Variants in NHSL2 observed in about 807,000 individuals in gnomAD.
NHSL2 encodes NHS-like protein 2.
Under a neutral mutation model 53.4 loss-of-function variants are expected in NHSL2, and 27 were observed. The observed-to-expected ratio is 0.51, with a 90% CI of 0.37 to 0.70. NHSL2 has a LOEUF of 0.70. Ranked by LOEUF, NHSL2 falls within the 30% of genes least tolerant of loss-of-function variation. NHSL2 has a pLI of 0.00. For synonymous variants in NHSL2, 408 were observed against 404.1 expected, an observed-to-expected ratio of 1.01 and a Z score of -0.12; for missense variants, 892 against 980.1, an observed-to-expected ratio of 0.91 and a Z score of 1.20.
intron 6 of NHSL2, chrX:72,141,435 G>A (rs2042417616): frequency 8.3e-6 from 1 of 120,590 alleles, no homozygotes; most frequent in African/African-American, 3.3e-5. Flanking sequence ...ATTTTTAAGT[G>A]TGCAGTTCAT....
chrX:71,945,486 C>A (rs753437762), intron 1 of NHSL2, among the ~76,000 whole-genome samples: 3 of 111,821 alleles, frequency 2.7e-5, no homozygotes, highest in East Asian at 2.8e-4. Flanking sequence ...TGCGTCCCCC[C>A]ACCCCGCAAC....
intron 1 of NHSL2, among the ~76,000 whole-genome samples, chrX:72,117,372 G>A (rs1417650974): frequency 1.9e-5 from 2 of 104,590 alleles, no homozygotes; most frequent in Non-Finnish European, 3.9e-5. Context: ...TGATGCTTGA[G>A]TATGATATTG....
intron 1 of NHSL2, among the ~76,000 whole-genome samples, chrX:72,107,491 T>C (rs1000405395): frequency 3.6e-5 from 4 of 111,435 alleles, no homozygotes; most frequent in African/African-American, 9.8e-5. Flanking sequence ...GCCCTGCCAG[T>C]GTTTGTGCTC....
At chrX:71,966,172 C>A (rs1468096657) in intron 1 of NHSL2, 1 of 112,533 alleles carries the variant, frequency 8.9e-6, no homozygotes, top group African/African-American at 3.2e-5. Flanking sequence ...TGTCCTGCAA[C>A]CTTGTATAAT....
rs962526226 is a variant in NHSL2 at position 71,935,617 on chromosome X, G to A, written c.280+24250G>A. Reference sequence around the variant, plus strand: ...CACTCTGTAGCTTTAGTGTTTCTAGGGCCTCAGGGTGGGAGTTCACATTAG... The same window carrying A: ...CACTCTGTAGCTTTAGTGTTTCTAGAGCCTCAGGGTGGGAGTTCACATTAG... On this transcript the variant is annotated intron_variant, in intron 1 of 7. Coordinates refer to ENST00000633930, the MANE Select transcript of NHSL2 (RefSeq NM_001013627.3). Among the ~76,000 whole-genome samples, 5 of 112,475 alleles carry A rather than the reference G, an allele frequency of 4.4e-5. No homozygotes were observed. The Admixed American group carries it at 4.7e-4, about 11-fold the overall frequency.
chrX:72,132,038 C>A, intron 1 of NHSL2, 41 bp from the exon 2 acceptor site: 1 of 1,159,855 alleles, frequency 8.6e-7, no homozygotes, highest in Non-Finnish European at 1.2e-6. Flanking sequence ...CCGCTCCCCT[C>A]CAGCTCGCCT....
chrX:72,086,708 A>G (rs1174127060), intron 1 of NHSL2, among the ~76,000 whole-genome samples: 1 of 100,835 alleles, frequency 9.9e-6, no homozygotes, highest in African/African-American at 3.7e-5. Flanking sequence ...AAAAAAAAAA[A>G]GCAAGGTAAA....
At chrX:72,129,738 C>G (rs144289234) in intron 1 of NHSL2, 1 of 882,682 alleles carries the variant, frequency 1.1e-6, no homozygotes, top group Non-Finnish European at 1.6e-6. Flanking sequence ...TCCCTGAAGT[C>G]CTGGTCAGCA....
Position 72,096,411 on chromosome X carries a change from G to A in NHSL2, c.281-35668G>A, listed in dbSNP as rs770149212. Among the ~76,000 whole-genome samples the A allele has an allele frequency of 2.7e-5, 3 of 111,786 alleles. No individual in the cohort carries two copies. The South Asian group carries it at 1.1e-3, about 42-fold the overall frequency. ...GGCTGGTGAGGTACAATGTATGGAG[G>A]GTCCATTTCTCCTTATCTCGCCTCT... is the stretch of plus-strand genomic sequence containing the variant. On this transcript the variant is annotated intron_variant, in intron 1 of 7. Transcript: ENST00000633930.
intron 1 of NHSL2, among the ~76,000 whole-genome samples, chrX:71,979,108 G>A (rs1410305835): frequency 9.0e-6 from 1 of 110,746 alleles, no homozygotes; most frequent in Admixed American, 9.6e-5. Flanking sequence ...TTTTATGGCT[G>A]CATAGTATTC....
intron 1 of NHSL2, among the ~76,000 whole-genome samples, chrX:72,018,711 C>T (rs992315940): frequency 4.4e-5 from 5 of 112,686 alleles, no homozygotes; most frequent in Non-Finnish European, 9.4e-5. Context: ...GGCCCCCGCC[C>T]GCCCTCCTCC....
At chrX:72,103,299 A>G (rs778935246) in intron 1 of NHSL2, among the ~76,000 whole-genome samples, 30 of 111,696 alleles carry the variant, frequency 2.7e-4, no homozygotes, top group African/African-American at 8.1e-4. Flanking sequence ...CTGGGATTTC[A>G]GGCCAGAGGG....
At chrX:72,071,399 C>A (rs2041700637) in intron 1 of NHSL2, among the ~76,000 whole-genome samples, 1 of 112,134 alleles carries the variant, frequency 8.9e-6, no homozygotes, top group Non-Finnish European at 1.9e-5. Context: ...TTGAAGATAA[C>A]TTTTTACATA....
chrX:72,106,899 T>C (rs1234618753), intron 1 of NHSL2, among the ~76,000 whole-genome samples: 3 of 95,368 alleles, frequency 3.1e-5, no homozygotes, highest in African/African-American at 1.2e-4. Flanking sequence ...CACACATAGG[T>C]GGGAGTTGAA....
chrX:72,124,312 A>C (rs779319139), intron 1 of NHSL2, among the ~76,000 whole-genome samples: 1 of 110,492 alleles, frequency 9.1e-6, no homozygotes, highest in Non-Finnish European at 1.9e-5. Context: ...TCTCTCTCAA[A>C]TGGGTGTCAC....
chrX:71,911,243 G>C lies in NHSL2; in HGVS notation c.156G>C (p.Glu52Asp). The change falls in exon 1 of 8, where the codon GAG becomes GAC. Residue 52 changes from glutamate (E) to aspartate (D), a missense_variant. Coordinates refer to ENST00000633930, the MANE Select transcript of NHSL2 (RefSeq NM_001013627.3). ...GTGGCCACTCGTTGGCTCTGCTCGA[G>C]GACCTCGAGGGGCACCTGCTGGCCC... The part of the protein sequence containing the change: ...DLCGHSLALL[E>D]DLEGHLLALG... 1 of 1,147,897 alleles carries C rather than the reference G, an allele frequency of 8.7e-7. No individual in the cohort carries two copies. The highest frequency in any genetic ancestry group is 1.2e-6 in the Non-Finnish European group (1 of 868,697). The allele number at this position is 1,147,897 out of a possible 1,213,427, so 94.6% of individuals were successfully genotyped here.
chrX:72,078,112 A>T (rs1401268749), intron 1 of NHSL2, among the ~76,000 whole-genome samples: 1 of 112,884 alleles, frequency 8.9e-6, no homozygotes, highest in Non-Finnish European at 1.9e-5. Flanking sequence ...AGGCTCAGAG[A>T]GGTTAAGTGA....
At chrX:72,118,145 CTTT>C (rs1427595718) in intron 1 of NHSL2, among the ~76,000 whole-genome samples, 1 of 111,411 alleles carries the variant, frequency 9.0e-6, no homozygotes, top group Non-Finnish European at 1.9e-5. Flanking sequence ...ATTTGTTTGA[CTTT>C]TTTATTATAG....
At chrX:72,075,103 G>A (rs2041730192) in intron 1 of NHSL2, among the ~76,000 whole-genome samples, 1 of 111,887 alleles carries the variant, frequency 8.9e-6, no homozygotes. Flanking sequence ...GAGAGAGGCA[G>A]CTACAAGGAA....
Sources: allele counts gnomAD v4.1 joint callset (sites outside exome capture counted in the v4.1 genomes callset), GRCh38; gene constraint gnomAD v4.1.1; transcripts MANE v1.5; gene names NCBI Gene and HGNC (gene_info 2026-07-23, HGNC 2026-07-21).